Variants in C22orf31 observed in about 807,000 individuals in gnomAD.
The protein encoded by C22orf31 is uncharacterized protein C22orf31.
A neutral mutation model predicts 15.0 loss-of-function variants in C22orf31; 11 were observed. That is an observed-to-expected ratio of 0.73 (90% CI 0.46 to 1.21). The LOEUF (loss-of-function observed/expected upper bound fraction) is 1.21, where lower values mean the gene tolerates loss of function less well. Among genes scored for constraint, C22orf31 ranks in the 50% most tolerant of loss-of-function variants. C22orf31 has a pLI of 0.00. For synonymous variants in C22orf31, 132 were observed against 133.3 expected (o/e 0.99, Z 0.07); for missense variants, 340 against 347.2 (o/e 0.98, Z 0.17).
At chr22:29,066,064 T>G (rs985143563), upstream of C22orf31, among the ~76,000 whole-genome samples, 1 of 151,698 alleles carries the variant, frequency 6.6e-6, no homozygotes, top group African/African-American at 2.4e-5. Flanking sequence ...CTTTTTTTTT[T>G]GTCTTTCCTT....
rs1189642155 is a variant in C22orf31 at position 29,059,122 on chromosome 22, C to T, written c.493G>A (p.Ala165Thr). 5 of 1,613,940 alleles carry T rather than the reference C, an allele frequency of 3.1e-6. No individual in the cohort carries two copies. Among genetic ancestry groups the T allele is most frequent in the Non-Finnish European group, 4.2e-6 (5 of 1,179,974 alleles). ...TVRQDLEDRYAEHVAATQALP... is the reference protein window; with the variant it reads ...TVRQDLEDRYTEHVAATQALP... The stretch of plus-strand genomic sequence containing the variant: ...GCTTGGGTGGCAGCCACATGTTCAG[C>T]ATATCTGTCCTCAAGATCTTGGCGG... Residue 165 changes from alanine (A) to threonine (T), a missense_variant, in exon 3 of 3, where the codon GCT becomes ACT. By Grantham distance (58) the Ala-to-Thr change is moderately conservative (BLOSUM62 0). Coordinates refer to ENST00000216071, the MANE Select transcript of C22orf31 (RefSeq NM_015370.2).
In C22orf31 at chr22:29,058,968, A is replaced by G. The variant is rs747767260; in HGVS notation, c.647T>C (p.Leu216Pro). 4.8e-5 allele frequency: 78 copies of G among 1,613,984 alleles called. No homozygotes were observed. Among genetic ancestry groups the G allele is most frequent in the Admixed American group, 1.8e-4 (11 of 60,014 alleles). The change falls in exon 3 of 3, where the codon CTG becomes CCG. Residue 216 changes from leucine (L) to proline (P), a missense_variant. Transcript: ENST00000216071. Reference protein sequence around the residue: ...HGLPTEGYQALYHAVVEPMLW... With the variant: ...HGLPTEGYQAPYHAVVEPMLW... ...CATTGGCTCCACCACAGCGTGGTACAGAGCCTGGTAACCCTCTGTGGGGAG... is the reference window on the plus strand; with the variant it reads ...CATTGGCTCCACCACAGCGTGGTACGGAGCCTGGTAACCCTCTGTGGGGAG...
chr22:29,062,909 G>A (rs2037405444), upstream of C22orf31, among the ~76,000 whole-genome samples: 1 of 152,084 alleles, frequency 6.6e-6, no homozygotes, highest in Non-Finnish European at 1.5e-5. Context: ...GTTTGCGAAT[G>A]TCTGGAGACT....
upstream of C22orf31, among the ~76,000 whole-genome samples, chr22:29,063,102 T>C (rs2037406796): frequency 6.6e-6 from 1 of 152,106 alleles, no homozygotes; most frequent in Non-Finnish European, 1.5e-5. Flanking sequence ...CCATCTTGAG[T>C]TTGGCTTTCC....
chr22:29,059,076 G>A lies in C22orf31; in HGVS notation c.539C>T (p.Thr180Ile), dbSNP rs775381148. 1.2e-6 allele frequency: 2 copies of A among 1,614,050 alleles called. No individual in the cohort carries two copies. The highest frequency in any genetic ancestry group is 2.2e-5 in the East Asian group (1 of 44,894). Residue 180 changes from threonine to isoleucine, a missense_variant, in exon 3 of 3, where the codon ACA (threonine) becomes ATA (isoleucine). Transcript: ENST00000216071. Reference sequence around the variant, plus strand: ...CAACACTCGGCCCTTCCAGGCTGCTGTCCCACTGTCCTGGGGTAGCGCTTG... The same window carrying A: ...CAACACTCGGCCCTTCCAGGCTGCTATCCCACTGTCCTGGGGTAGCGCTTG... ...ATQALPQDSG[T>I]AAWKGRVLLP...
rs868006687 is a variant in C22orf31 at position 29,058,797 on chromosome 22, C to G, written c.818G>C (p.Gly273Ala). The G allele has an allele frequency of 6.2e-7, 1 of 1,614,180 alleles. No homozygotes were observed. The highest frequency in any genetic ancestry group is 8.5e-7 in the Non-Finnish European group (1 of 1,180,016). Residue 273 changes from glycine to alanine, a missense_variant, in exon 3 of 3, where the codon GGT becomes GCT. By Grantham distance (60) the Gly-to-Ala change is moderately conservative. Coordinates refer to ENST00000216071, the MANE Select transcript of C22orf31 (RefSeq NM_015370.2). Reference protein sequence around the residue: ...RDRFPGRKQPGVHEEPVLKKW... With the variant: ...RDRFPGRKQPAVHEEPVLKKW... ...CTTGAGTACAGGCTCCTCGTGGACA[C>G]CTGGCTGCTTCCTGCCAGGGAACCG...
At chr22:29,065,865 A>C (rs2037425821), upstream of C22orf31, among the ~76,000 whole-genome samples, 1 of 152,074 alleles carries the variant, frequency 6.6e-6, no homozygotes, top group African/African-American at 2.4e-5. Flanking sequence ...CCTTAGTTTG[A>C]TTCTCCCATG....
chr22:29,062,984 C>T (rs2037406201), upstream of C22orf31, among the ~76,000 whole-genome samples: 1 of 151,884 alleles, frequency 6.6e-6, no homozygotes, highest in Non-Finnish European at 1.5e-5. Flanking sequence ...TCCTGGGCTA[C>T]CTGGAAATTA....
Position 29,060,528 on chromosome 22 carries a change from G to A in C22orf31, c.319C>T (p.His107Tyr). 6.2e-7 allele frequency: 1 copy of A among 1,614,048 alleles called. No homozygotes were observed. ...GCTTTCATCACTGAATCGTCCTTGT[G>A]CTTTAATCTCTTCGAGAGTTTTCCT... ...GEGKLSKRLK[H>Y]KDDSVMKATQ... Residue 107 changes from histidine (H) to tyrosine (Y), a missense_variant, in exon 2 of 3, where the codon CAC becomes TAC. Transcript: ENST00000216071.
At chr22:29,068,690 G>A in the C22orf31 span, among the ~76,000 whole-genome samples, 1 of 150,928 alleles carries the variant, frequency 6.6e-6, no homozygotes, top group Admixed American at 6.6e-5. Context: ...GATTACAGGC[G>A]TAAGCCACCG....
Position 29,061,744 on chromosome 22 carries a change from T to A in C22orf31, c.3+46A>T, listed in dbSNP as rs1405433084. Reference sequence around the variant, plus strand: ...GATTAGAATCACATATTTAAAGAGATCTGGCTTTCTAAGAAATGTCATCTA... The same window carrying A: ...GATTAGAATCACATATTTAAAGAGAACTGGCTTTCTAAGAAATGTCATCTA... On this transcript the variant is annotated intron_variant, in intron 1 of 2. Transcript: ENST00000216071. 4.2e-6 allele frequency: 6 copies of A among 1,412,150 alleles called. No homozygotes were observed. The Admixed American group carries it at 1.0e-4, about 24-fold the overall frequency. The allele number at this position is 1,412,150 out of a possible 1,614,324, so 87.5% of individuals were successfully genotyped here. A position where few individuals can be genotyped will look rare whatever the true frequency, so the allele number is the denominator to read the frequency against.
chr22:29,063,959 C>T (rs1197924661), upstream of C22orf31, among the ~76,000 whole-genome samples: 1 of 152,118 alleles, frequency 6.6e-6, no homozygotes, highest in Non-Finnish European at 1.5e-5. Flanking sequence ...CCCCCACCTC[C>T]CAGGTTCAAG....
At chr22:29,073,619 C>T in the C22orf31 span, among the ~76,000 whole-genome samples, 1 of 152,098 alleles carries the variant, frequency 6.6e-6, no homozygotes, top group Admixed American at 6.5e-5. This position sits in a 1 kb window ranked among gnomAD's most constrained non-coding sequence, Gnocchi z 4.4. Context: ...CCGGGACGCC[C>T]CCTCTCCCCG....
the C22orf31 span, among the ~76,000 whole-genome samples, chr22:29,072,648 T>A: frequency 1.3e-5 from 2 of 152,244 alleles, no homozygotes; most frequent in Non-Finnish European, 2.9e-5. Flanking sequence ...GTTGTAATTA[T>A]TACCGCTGTA....
Position 29,060,594 on chromosome 22 carries a change from G to GGC in C22orf31, c.252_253insGC (p.Leu85AlafsTer2). On this transcript the variant is annotated frameshift_variant, in exon 2 of 3. Transcript: ENST00000216071. LOFTEE classifies it high-confidence loss of function. ...GGTGGTGGGCAGCACTTATTCTTCA[G>GGC]TTGCCGCCTGAGTACAAGCTTAACC... is the stretch of plus-strand genomic sequence containing the variant. 1 of 1,614,156 alleles carries GGC rather than the reference G, an allele frequency of 6.2e-7. No individual in the cohort carries two copies. The highest frequency in any genetic ancestry group is 8.5e-7 in the Non-Finnish European group (1 of 1,180,032).
Position 29,060,491 on chromosome 22 carries a change from G to A in C22orf31, c.356C>T (p.Ala119Val). 1.2e-6 allele frequency: 2 copies of A among 1,613,976 alleles called. No individual in the cohort carries two copies. Among genetic ancestry groups the A allele is most frequent in the East Asian group, 2.2e-5 (1 of 44,878 alleles). ...DDSVMKATQQ[A>V]RKRNFISSKS... is the part of the protein sequence containing the mutation. ...GGAACTGATGAAGTTTCTTTTCCTG[G>A]CCTGCTGGGTGGCTTTCATCACTGA... is the stretch of plus-strand genomic sequence containing the variant. The change falls in exon 2 of 3, where the codon GCC becomes GTC. Residue 119 changes from alanine (A) to valine (V), a missense_variant. Physicochemically the swap from Ala to Val is moderately conservative, Grantham distance 64. Coordinates refer to ENST00000216071, the MANE Select transcript of C22orf31 (RefSeq NM_015370.2).
chr22:29,064,979 G>A (rs1018142729), upstream of C22orf31, among the ~76,000 whole-genome samples: 6 of 151,924 alleles, frequency 3.9e-5, no homozygotes, highest in South Asian at 8.3e-4. Context: ...TCAGCCTCCC[G>A]AGTAGCTGAG....
intron 1 of C22orf31, among the ~76,000 whole-genome samples, chr22:29,061,551 C>T (rs540151488): frequency 1.3e-5 from 2 of 152,242 alleles, no homozygotes; most frequent in South Asian, 2.1e-4. Flanking sequence ...CCAGCATGAG[C>T]CACCATGTTC....
Position 29,060,501 on chromosome 22 carries a change from T to C in C22orf31, c.346A>G (p.Thr116Ala). 2 of 1,614,074 alleles carry C rather than the reference T, an allele frequency of 1.2e-6. No homozygotes were observed. Among genetic ancestry groups the C allele is most frequent in the Non-Finnish European group, 1.7e-6 (2 of 1,180,010 alleles). Residue 116 changes from threonine (T) to alanine (A), a missense_variant, in exon 2 of 3, where the codon ACC becomes GCC. Coordinates refer to ENST00000216071, the MANE Select transcript of C22orf31 (RefSeq NM_015370.2). The part of the protein sequence containing the change: ...KHKDDSVMKA[T>A]QQARKRNFIS... ...AAGTTTCTTTTCCTGGCCTGCTGGG[T>C]GGCTTTCATCACTGAATCGTCCTTG... is the stretch of plus-strand genomic sequence containing the variant.
Sources: allele counts gnomAD v4.1 joint callset (sites outside exome capture counted in the v4.1 genomes callset), GRCh38; gene constraint gnomAD v4.1.1; non-coding constraint Gnocchi (gnomAD v3.1); transcripts MANE v1.5; gene names NCBI Gene and HGNC (gene_info 2026-07-23, HGNC 2026-07-21).